Variants in IGSF21 observed in about 807,000 individuals in gnomAD.
IGSF21 encodes immunoglobin superfamily member 21.
A neutral mutation model predicts 46.8 loss-of-function variants in IGSF21; 28 were observed. The observed-to-expected ratio is 0.60, with a 90% CI of 0.44 to 0.82. IGSF21 has a LOEUF of 0.82. Among genes scored for constraint, IGSF21 ranks in the 40% least tolerant of loss-of-function variants. The probability of loss-of-function intolerance (pLI) is 0.00; values close to 1 mark genes in which losing one functional copy is unlikely to be tolerated. For synonymous variants in IGSF21, 284 were observed against 273.6 expected (o/e 1.04, Z -0.38); for missense variants, 624 against 665.5 (o/e 0.94, Z 0.69).
chr1:18,119,222 C>T (rs868109172), intron 1 of IGSF21, among the ~76,000 whole-genome samples: 19 of 152,206 alleles, frequency 1.2e-4, no homozygotes, highest in African/African-American at 4.3e-4. Flanking sequence ...GGGGGTCAGG[C>T]ACTGTGTTGG....
At chr1:18,236,361 C>T (rs2084672749) in intron 2 of IGSF21, among the ~76,000 whole-genome samples, 1 of 152,190 alleles carries the variant, frequency 6.6e-6, no homozygotes, top group Admixed American at 6.5e-5. Context: ...TGTGAGGCCT[C>T]CTCAGCCATG....
chr1:18,200,507 G>A (rs907911309), intron 1 of IGSF21, among the ~76,000 whole-genome samples: 2 of 152,106 alleles, frequency 1.3e-5, no homozygotes, highest in Admixed American at 1.3e-4. Context: ...CTTGGTGTTT[G>A]GTGTTCCTGG....
intron 2 of IGSF21, among the ~76,000 whole-genome samples, chr1:18,228,249 C>T (rs967669099): frequency 1.1e-4 from 17 of 152,258 alleles, no homozygotes; most frequent in East Asian, 7.7e-4. Context: ...TATGCCCCTA[C>T]GCTTGGAAAA....
intron 1 of IGSF21, among the ~76,000 whole-genome samples, chr1:18,154,913 GTC>G (rs1330324519): frequency 6.6e-6 from 1 of 151,852 alleles, no homozygotes; most frequent in African/African-American, 2.4e-5. Flanking sequence ...CTGGAGGACT[GTC>G]TGGAGGAAGT....
At chr1:18,353,342 G>A (rs2085980455) in intron 4 of IGSF21, among the ~76,000 whole-genome samples, 1 of 151,850 alleles carries the variant, frequency 6.6e-6, no homozygotes, top group Non-Finnish European at 1.5e-5. Flanking sequence ...TTCCAACTTG[G>A]GCAGGGATTG....
chr1:18,374,168 C>G (rs1401009065), intron 6 of IGSF21, among the ~76,000 whole-genome samples: 2 of 152,192 alleles, frequency 1.3e-5, no homozygotes, highest in Non-Finnish European at 2.9e-5. Flanking sequence ...GGCAGACTGC[C>G]CTAGGCCTGG....
chr1:18,153,968 C>T (rs562573936), intron 1 of IGSF21, among the ~76,000 whole-genome samples: 2 of 152,242 alleles, frequency 1.3e-5, no homozygotes, highest in South Asian at 2.1e-4. Context: ...GAGTCTTGCC[C>T]GCATCACACA....
intron 1 of IGSF21, among the ~76,000 whole-genome samples, chr1:18,134,202 C>A (rs12132191): frequency 6.6e-6 from 1 of 152,056 alleles, no homozygotes; most frequent in Non-Finnish European, 1.5e-5. Context: ...TGTGGCCCCC[C>A]TTAACCCTCC....
intron 1 of IGSF21, among the ~76,000 whole-genome samples, chr1:18,203,721 G>C (rs1230030210): frequency 1.3e-5 from 2 of 152,230 alleles, no homozygotes; most frequent in African/African-American, 2.4e-5. Context: ...AAGGGGAACA[G>C]GTGGGGTGGG....
At chr1:18,300,734 C>T (rs1164793581) in intron 3 of IGSF21, among the ~76,000 whole-genome samples, 1 of 152,202 alleles carries the variant, frequency 6.6e-6, no homozygotes, top group Non-Finnish European at 1.5e-5. Flanking sequence ...CCATGACACT[C>T]TCCCCAGAGA....
chr1:18,135,382 G>GGTA (rs1274208691), intron 1 of IGSF21, among the ~76,000 whole-genome samples: 1 of 151,830 alleles, frequency 6.6e-6, no homozygotes, highest in Non-Finnish European at 1.5e-5. Flanking sequence ...TTTAGCATTA[G>GGTA]GTATATCTCC....
chr1:18,346,961 G>T (rs1460412802), intron 4 of IGSF21, among the ~76,000 whole-genome samples: 1 of 152,206 alleles, frequency 6.6e-6, no homozygotes, highest in Non-Finnish European at 1.5e-5. Flanking sequence ...CACCCATGCT[G>T]CTCGCCTGCC....
rs533685261 is a variant in IGSF21, at chr1:18,334,863, G to T, written c.306-29G>T. ...GCCTCACCCAGCCCCACGATGAAGGGCCCTCACCCTGTCTTCTGCCTCCCC... is the reference window on the plus strand; with the variant it reads ...GCCTCACCCAGCCCCACGATGAAGGTCCCTCACCCTGTCTTCTGCCTCCCC... On this transcript the variant is annotated intron_variant, in intron 3 of 9. Transcript: ENST00000251296. This position sits in a 1 kb window ranked among gnomAD's most constrained non-coding sequence, Gnocchi z 4.3. 1 of 1,547,738 alleles carries T rather than the reference G, an allele frequency of 6.5e-7. No individual in the cohort carries two copies. Among genetic ancestry groups the T allele is most frequent in the Non-Finnish European group, 8.9e-7 (1 of 1,120,044 alleles).
At chr1:18,260,046 A>G (rs1569656868) in intron 2 of IGSF21, among the ~76,000 whole-genome samples, 1 of 152,298 alleles carries the variant, frequency 6.6e-6, no homozygotes, top group African/African-American at 2.4e-5. Context: ...CATCCCCCTC[A>G]TCGTTTGGAG....
intron 1 of IGSF21, among the ~76,000 whole-genome samples, chr1:18,180,472 C>A (rs1208848566): frequency 6.6e-6 from 1 of 152,160 alleles, no homozygotes; most frequent in East Asian, 1.9e-4. Flanking sequence ...AAGCATGCCC[C>A]ACAGTCATAC....
chr1:18,122,711 C>T lies in IGSF21; in HGVS notation c.70+14513C>T, dbSNP rs181238714. Among the ~76,000 whole-genome samples the T allele has an allele frequency of 7.5e-4, 113 of 151,434 alleles. 1 individual carries two copies. Among genetic ancestry groups the T allele is most frequent in the African/African-American group, 2.1e-3 (86 of 41,238 alleles). On this transcript the variant is annotated intron_variant, in intron 1 of 9. Coordinates refer to ENST00000251296, the MANE Select transcript of IGSF21 (RefSeq NM_032880.5). ...TCTCGGCTCACTACAACCTCTGCCTCCTGGGTTTAAGCAATTCTCCTGCTT... is the reference window on the plus strand; with the variant it reads ...TCTCGGCTCACTACAACCTCTGCCTTCTGGGTTTAAGCAATTCTCCTGCTT...
At chr1:18,208,395 A>ATT (rs1553154097) in intron 1 of IGSF21, among the ~76,000 whole-genome samples, 3 of 123,772 alleles carry the variant, frequency 2.4e-5, no homozygotes, top group Admixed American at 1.6e-4. Flanking sequence ...ATATATATAT[A>ATT]TTTTTTGAGA....
intron 2 of IGSF21, among the ~76,000 whole-genome samples, chr1:18,267,742 G>T (rs1437913688): frequency 6.6e-6 from 1 of 152,226 alleles, no homozygotes; most frequent in African/African-American, 2.4e-5. Context: ...AGAGTTGGAG[G>T]AGCTCATTCT....
rs1447792755 is a variant in IGSF21, at chr1:18,239,776, CT to C, written c.183+11770del. Among the ~76,000 whole-genome samples the C allele has an allele frequency of 3.3e-5, 5 of 152,004 alleles. No homozygotes were observed. In the South Asian group the frequency reaches 6.2e-4, roughly 19 times the overall value. On this transcript the variant is annotated intron_variant, in intron 2 of 9. Coordinates refer to ENST00000251296, the MANE Select transcript of IGSF21 (RefSeq NM_032880.5). ...TGCCCCCCCTCCCCGCCACCAGAGG[CT>C]TTTCCCCATCCATTTTTCCCCCTTC...
Sources: allele counts gnomAD v4.1 joint callset (sites outside exome capture counted in the v4.1 genomes callset), GRCh38; gene constraint gnomAD v4.1.1; non-coding constraint Gnocchi (gnomAD v3.1); transcripts MANE v1.5; gene names NCBI Gene and HGNC (gene_info 2026-07-23, HGNC 2026-07-21).